The following PALM2AKAP2 variants were observed in gnomAD, a reference collection of about 807,000 sequenced individuals.
PALM2AKAP2 encodes the protein PALM2 and AKAP2 fusion.
In PALM2AKAP2, 37 loss-of-function variants were observed where a neutral mutation model predicts 71.5. The ratio of observed to expected loss-of-function variants is 0.52; its 90% CI spans 0.40 to 0.68. The LOEUF is 0.68. Ranked by LOEUF, PALM2AKAP2 falls within the 30% of genes least tolerant of loss-of-function variation. The pLI is 0.00. For synonymous variants in PALM2AKAP2, 468 were observed against 478.8 expected (o/e 0.98, Z 0.29); for missense variants, 1,224 against 1,191.8 (o/e 1.03, Z -0.40).
At chr9:109,641,319 T>C (rs896588368) in intron 1 of PALM2AKAP2, among the ~76,000 whole-genome samples, 2 of 151,906 alleles carry the variant, frequency 1.3e-5, no homozygotes, top group Non-Finnish European at 2.9e-5. Context: ...AATGGAAGGA[T>C]GAGTTAGTGG....
intron 3 of PALM2AKAP2, among the ~76,000 whole-genome samples, chr9:110,157,134 T>C (rs1836477475): frequency 6.6e-6 from 1 of 152,174 alleles, no homozygotes; most frequent in Non-Finnish European, 1.5e-5. Context: ...GTGGTTTCTT[T>C]CTCCGGTTAG....
intron 1 of PALM2AKAP2, among the ~76,000 whole-genome samples, chr9:109,650,441 AAGACTTGCTCTGTCACCT>A (rs1473794573): frequency 5.3e-5 from 8 of 152,062 alleles, no homozygotes; most frequent in African/African-American, 1.9e-4. Context: ...TTTAGAGATG[AAGACTTGCTCTGTCACCT>A]AGGCTGGAGC....
chr9:110,136,424 A>G, exon 2 of PALM2AKAP2: 1 of 1,614,178 alleles, frequency 6.2e-7, no homozygotes, highest in South Asian at 1.1e-5. Flanking sequence ...GCTAGAGGCC[A>G]ACTGCTGTGA....
intron 3 of PALM2AKAP2, among the ~76,000 whole-genome samples, chr9:110,160,923 C>T (rs963480886): frequency 1.3e-5 from 2 of 152,148 alleles, no homozygotes; most frequent in Non-Finnish European, 2.9e-5. Flanking sequence ...AAGACCTCGT[C>T]GGTTTTCCTG....
At chr9:109,868,126 G>A (rs2131700504) in intron 2 of PALM2AKAP2, among the ~76,000 whole-genome samples, 1 of 152,228 alleles carries the variant, frequency 6.6e-6, no homozygotes, top group African/African-American at 2.4e-5. Context: ...GCAAGCAGTT[G>A]GTCAAAGATG....
At chr9:109,777,386 C>T (rs1564143659), upstream of PALM2AKAP2, among the ~76,000 whole-genome samples, 1 of 152,130 alleles carries the variant, frequency 6.6e-6, no homozygotes, top group Non-Finnish European at 1.5e-5. Context: ...GGCCTAATTT[C>T]CCTGTTGTCT....
At chr9:109,915,617 T>C (rs978009337) in intron 3 of PALM2AKAP2, among the ~76,000 whole-genome samples, 1 of 152,188 alleles carries the variant, frequency 6.6e-6, no homozygotes, top group Non-Finnish European at 1.5e-5. Context: ...GTTGCAGATT[T>C]TTTTACTTCA....
At chr9:109,758,542 G>A (rs1248254945) in intron 1 of PALM2AKAP2, among the ~76,000 whole-genome samples, 2 of 151,886 alleles carry the variant, frequency 1.3e-5, no homozygotes, top group Admixed American at 6.6e-5. Context: ...GTGTGTGTGT[G>A]TGTGTGTGTG....
At chr9:109,955,939 A>C (rs1180723397) in intron 6 of PALM2AKAP2, among the ~76,000 whole-genome samples, 1 of 151,434 alleles carries the variant, frequency 6.6e-6, no homozygotes, top group Non-Finnish European at 1.5e-5. Context: ...CCTCTGTCTT[A>C]AAAAAAACAA....
intron 1 of PALM2AKAP2, among the ~76,000 whole-genome samples, chr9:109,832,870 C>T (rs1308828779): frequency 6.6e-6 from 1 of 152,218 alleles, no homozygotes; most frequent in Non-Finnish European, 1.5e-5. Context: ...GTGGAATATG[C>T]ACTGAACACT....
intron 1 of PALM2AKAP2, among the ~76,000 whole-genome samples, chr9:109,748,916 C>T (rs934700287): frequency 5.3e-5 from 8 of 152,182 alleles, no homozygotes; most frequent in African/African-American, 1.9e-4. Context: ...ATTTCCTATT[C>T]TTATAAAGAC....
At chr9:110,046,491 G>A (rs554462576), upstream of PALM2AKAP2, among the ~76,000 whole-genome samples, 23 of 136,414 alleles carry the variant, frequency 1.7e-4, no homozygotes, top group South Asian at 3.4e-3. Context: ...TTTTTGAGAC[G>A]GAGTTTCGCT....
At chr9:110,061,601 T>C (rs898904177) in intron 1 of PALM2AKAP2, among the ~76,000 whole-genome samples, 3 of 148,376 alleles carry the variant, frequency 2.0e-5, no homozygotes, top group Non-Finnish European at 4.5e-5. Context: ...AGAGATACCA[T>C]TATTTTATAT....
intron 6 of PALM2AKAP2, among the ~76,000 whole-genome samples, chr9:110,000,700 C>G (rs1212778999): frequency 6.6e-6 from 1 of 152,164 alleles, no homozygotes; most frequent in Non-Finnish European, 1.5e-5. Flanking sequence ...TTAATGATCC[C>G]CATTCTAACT....
chr9:109,714,721 C>T (rs1234526831), intron 1 of PALM2AKAP2, among the ~76,000 whole-genome samples: 1 of 152,128 alleles, frequency 6.6e-6, no homozygotes, highest in Non-Finnish European at 1.5e-5. Flanking sequence ...GGTTCTCATT[C>T]CCTCACCCAG....
rs541180913 is a variant in PALM2AKAP2 at position 110,138,552 on chromosome 9, C to T, written c.2569+13C>T. 1.3e-6 allele frequency: 2 copies of T among 1,574,132 alleles called. No individual in the cohort carries two copies. Among genetic ancestry groups the T allele is most frequent in the Non-Finnish European group, 1.7e-6 (2 of 1,162,064 alleles). On this transcript the variant is annotated intron_variant, in intron 2 of 3. Coordinates refer to ENST00000374525, the Ensembl canonical transcript of PALM2AKAP2. The stretch of plus-strand genomic sequence containing the variant: ...AAAACTGCTCCAGGTAAGTGAGGTG[C>T]CTCACATGAGAGACAGATGCCACAG...
At chr9:110,097,980 G>A (rs1471605525) in intron 1 of PALM2AKAP2, among the ~76,000 whole-genome samples, 2 of 144,406 alleles carry the variant, frequency 1.4e-5, no homozygotes, top group East Asian at 3.9e-4. Flanking sequence ...CCAACACAGC[G>A]AAACCCCGTC....
intron 5 of PALM2AKAP2, among the ~76,000 whole-genome samples, chr9:109,925,577 C>T (rs1830939675): frequency 6.6e-6 from 1 of 152,090 alleles, no homozygotes; most frequent in South Asian, 2.1e-4. Flanking sequence ...ACTGTCGTTT[C>T]TTTCATAGAA....
intron 2 of PALM2AKAP2, among the ~76,000 whole-genome samples, chr9:110,142,850 T>C (rs1268058590): frequency 2.0e-5 from 3 of 152,126 alleles, no homozygotes; most frequent in African/African-American, 7.2e-5. Context: ...GACTTTAGAG[T>C]TTACCCTATG....
Sources: gnomAD v4.1 joint callset for allele counts (sites outside exome capture counted in the v4.1 genomes callset) on GRCh38, gnomAD v4.1.1 for gene constraint, MANE v1.5 for transcripts, NCBI Gene and HGNC (gene_info 2026-07-23, HGNC 2026-07-21) for gene names.